Variants in TUB observed in about 807,000 individuals in gnomAD.
The protein encoded by TUB is tubby protein homolog.
A neutral mutation model predicts 59.7 loss-of-function variants in TUB; 33 were observed. That is an observed-to-expected ratio of 0.55 (90% confidence interval 0.42 to 0.74). The LOEUF is 0.74. TUB is among the 30% of genes least tolerant of loss of function. The pLI is 0.00. For missense variants in TUB, 659 were observed against 672.0 expected, an observed-to-expected ratio of 0.98 and a Z score of 0.21; for synonymous variants, 293 against 256.4, an observed-to-expected ratio of 1.14 and a Z score of -1.36.
chr11:8,059,691 G>A (rs1943085336), intron 2 of TUB, among the ~76,000 whole-genome samples: 1 of 152,190 alleles, frequency 6.6e-6, no homozygotes. Context: ...AGCAGAGCAA[G>A]GCAGGAGAGG....
At chr11:8,025,258 G>T (rs537331862) in intron 1 of TUB, among the ~76,000 whole-genome samples, 3 of 152,260 alleles carry the variant, frequency 2.0e-5, no homozygotes, top group Admixed American at 2.0e-4. Context: ...TGCTGGGGGT[G>T]GTGTGTGTGC....
At chr11:8,053,145 G>A (rs193285902) in intron 2 of TUB, among the ~76,000 whole-genome samples, 237 of 152,176 alleles carry the variant, frequency 1.6e-3, no homozygotes, top group African/African-American at 5.6e-3. Context: ...TAAAACTTAC[G>A]ACATTTATCA....
At chr11:8,042,384 AACATT>A (rs1942766403) in intron 2 of TUB, among the ~76,000 whole-genome samples, 1 of 152,188 alleles carries the variant, frequency 6.6e-6, no homozygotes, top group Non-Finnish European at 1.5e-5. Context: ...TCAATTGATG[AACATT>A]TGGGTGTTTC....
rs767141637 is a variant in TUB at position 8,100,624 on chromosome 11, CCT to C, written c.1215+26_1215+27del. 4 of 1,604,768 alleles carry C rather than the reference CCT, an allele frequency of 2.5e-6. No homozygotes were observed. The South Asian group carries it at 3.3e-5, about 13-fold the overall frequency. On this transcript the variant is annotated intron_variant, in intron 10 of 11. Coordinates refer to ENST00000299506, the MANE Select transcript of TUB (RefSeq NM_177972.3). The stretch of plus-strand genomic sequence containing the variant: ...AACGTGAGTGTCTACCCCTTCCTCC[CCT>C]CTTTCCCCATCATCCTAGTCTCTGC...
chr11:8,067,574 C>A (rs7113729), intron 2 of TUB: 2 of 151,960 alleles, frequency 1.3e-5, no homozygotes, highest in Non-Finnish European at 2.9e-5. Flanking sequence ...ATGTATTCAC[C>A]CGACAAATAT....
chr11:8,100,525 AG>A lies in TUB; in HGVS notation c.1143del (p.Pro382LeufsTer4). On this transcript the variant is annotated frameshift_variant, in exon 10 of 12. Transcript: ENST00000299506. LOFTEE classifies it high-confidence loss of function. ...VCYETNVLGF[K>X]GPRKMSVIVP... The stretch of plus-strand genomic sequence containing the variant: ...CAGGAGACAAACGTCTTAGGCTTCA[AG>A]GGGCCTCGGAAGATGAGCGTGATTG... 6.2e-7 allele frequency: 1 copy of A among 1,614,098 alleles called. No homozygotes were observed. Among genetic ancestry groups the A allele is most frequent in the Non-Finnish European group, 8.5e-7 (1 of 1,179,994 alleles).
intron 4 of TUB, 93 bp from the exon 5 acceptor site, chr11:8,095,405 C>CT: frequency 3.7e-6 from 5 of 1,359,062 alleles, no homozygotes; most frequent in Non-Finnish European, 5.0e-6. Context: ...GAGGGTTTCC[C>CT]CACTCTTCCC....
At chr11:8,080,994 T>C (rs1191440539), upstream of TUB, among the ~76,000 whole-genome samples, 1 of 152,186 alleles carries the variant, frequency 6.6e-6, no homozygotes. Flanking sequence ...AAGACGAAAC[T>C]GAGGCTGGGA....
At chr11:8,029,523 G>A (rs1942542200) in intron 1 of TUB, among the ~76,000 whole-genome samples, 1 of 151,858 alleles carries the variant, frequency 6.6e-6, no homozygotes, top group Non-Finnish European at 1.5e-5. Context: ...TGAGTAGCTG[G>A]GATGACAGGT....
chr11:8,054,040 G>A (rs540746048), intron 2 of TUB, among the ~76,000 whole-genome samples: 55 of 151,178 alleles, frequency 3.6e-4, no homozygotes, highest in Middle Eastern at 3.4e-3. Flanking sequence ...GTGTGAACCC[G>A]GGAGGCGGAG....
At chr11:8,033,788 T>C (rs1011676939), upstream of TUB, among the ~76,000 whole-genome samples, 3 of 152,356 alleles carry the variant, frequency 2.0e-5, no homozygotes, top group Non-Finnish European at 4.4e-5. Flanking sequence ...AGTGTCAAGC[T>C]GCCTGAAGGA....
rs767560029 is a variant in TUB at position 8,096,830 on chromosome 11, C to T, written c.687+24C>T. On this transcript the variant is annotated intron_variant, in intron 6 of 11. Coordinates refer to ENST00000299506, the MANE Select transcript of TUB (RefSeq NM_177972.3). ...GGGTGAGTGAGTGAGTCTGCATCCA[C>T]AGCAGTTTTTGGAGGACTGCTCATC... 2.5e-6 allele frequency: 4 copies of T among 1,613,922 alleles called. No individual in the cohort carries two copies. The African/African-American group carries it at 5.3e-5, about 22-fold the overall frequency.
intron 3 of TUB, among the ~76,000 whole-genome samples, chr11:8,092,154 GAC>G (rs1310372330): frequency 6.6e-6 from 1 of 152,234 alleles, no homozygotes; most frequent in African/African-American, 2.4e-5. Flanking sequence ...GAAGTCAAAA[GAC>G]AGTTTCTGTG....
upstream of TUB, among the ~76,000 whole-genome samples, chr11:8,079,673 G>GGTGTGTGTAGGTGTGC (rs1554928048): frequency 3.3e-5 from 5 of 149,360 alleles, no homozygotes; most frequent in Non-Finnish European, 5.9e-5. Flanking sequence ...CATGTGTGTA[G>GGTGTGTGTAGGTGTGC]GTGTGTGTAG....
At chr11:8,069,688 GT>G (rs1203471230) in intron 2 of TUB, among the ~76,000 whole-genome samples, 2 of 151,844 alleles carry the variant, frequency 1.3e-5, no homozygotes, top group Non-Finnish European at 2.9e-5. Context: ...GTTTGTTTTT[GT>G]TTTTTGCTGT....
At chr11:8,028,497 A>G (rs1431378700) in intron 1 of TUB, among the ~76,000 whole-genome samples, 2 of 152,188 alleles carry the variant, frequency 1.3e-5, no homozygotes, top group Non-Finnish European at 2.9e-5. Context: ...CTAAGAATCC[A>G]TTGCCAAATC....
chr11:8,089,721 AG>A (rs1344507759), intron 2 of TUB, 60 bp downstream of exon 2: 1 of 1,601,060 alleles, frequency 6.2e-7, no homozygotes, highest in East Asian at 2.2e-5. Context: ...CTGAGGGCAG[AG>A]GGGCAGGGCT....
Position 8,104,272 on chromosome 11 carries a change from AGCTTCTCTGTAACC to A in TUB, c.*2660_*2673del, listed in dbSNP as rs893287521. 5 of 152,236 alleles carry A rather than the reference AGCTTCTCTGTAACC, an allele frequency of 3.3e-5. No homozygotes were observed. Among genetic ancestry groups the A allele is most frequent in the Admixed American group, 2.0e-4 (3 of 15,280 alleles). The allele number at this position is 152,236 out of a possible 1,614,324, so 9.4% of individuals were successfully genotyped here. ...TGGGCAGTTGGGAGTGAGTTTAGGC[AGCTTCTCTGTAACC>A]GCTTCTGGGGCCACACCCCAAAACT... is the stretch of plus-strand genomic sequence containing the variant. On this transcript the variant is annotated 3_prime_UTR_variant, in exon 12 of 12. Coordinates refer to ENST00000299506, the MANE Select transcript of TUB (RefSeq NM_177972.3).
chr11:8,053,112 T>A (rs376119736), intron 2 of TUB, among the ~76,000 whole-genome samples: 5 of 152,340 alleles, frequency 3.3e-5, no homozygotes, highest in East Asian at 3.9e-4. Flanking sequence ...CTGAGTTTTA[T>A]CCAAGACCTC....
Sources: gnomAD v4.1 joint callset for allele counts (sites outside exome capture counted in the v4.1 genomes callset) on GRCh38, gnomAD v4.1.1 for gene constraint, MANE v1.5 for transcripts, NCBI Gene and HGNC (gene_info 2026-07-23, HGNC 2026-07-21) for gene names.